The following DSCAML1 variants were observed in gnomAD, a reference collection of about 807,000 sequenced individuals.
The protein encoded by DSCAML1 is DS cell adhesion molecule like 1.
In DSCAML1, 38 loss-of-function variants were observed where a neutral mutation model predicts 200.5. That is an observed-to-expected ratio of 0.19 (90% confidence interval 0.15 to 0.25). The LOEUF (loss-of-function observed/expected upper bound fraction) is 0.25. Ranked by LOEUF, DSCAML1 falls within the 10% of genes least tolerant of loss-of-function variation. The pLI is 1.00. For missense variants in DSCAML1, 2,223 were observed against 2,858.8 expected, an observed-to-expected ratio of 0.78 and a Z score of 5.07; for synonymous variants, 1,215 against 1,165.0, an observed-to-expected ratio of 1.04 and a Z score of -0.87.
At chr11:117,777,299 A>G (rs930185629) in intron 2 of DSCAML1, among the ~76,000 whole-genome samples, 2 of 152,220 alleles carry the variant, frequency 1.3e-5, no homozygotes, top group South Asian at 4.1e-4. Flanking sequence ...GCAATGTTAT[A>G]TTCACCAAGG....
chr11:117,563,491 T>A (rs1011414512), intron 3 of DSCAML1, among the ~76,000 whole-genome samples: 2 of 152,162 alleles, frequency 1.3e-5, no homozygotes, highest in Non-Finnish European at 2.9e-5. Flanking sequence ...GTGAAGGTTC[T>A]ACTTCCACGC....
intron 3 of DSCAML1, among the ~76,000 whole-genome samples, chr11:117,541,855 C>T (rs1283156471): frequency 6.8e-6 from 1 of 146,162 alleles, no homozygotes; most frequent in African/African-American, 2.6e-5. Context: ...TTCTGTGTCC[C>T]TCTCCGACTA....
intron 1 of DSCAML1, among the ~76,000 whole-genome samples, chr11:117,809,274 G>A (rs749490257): frequency 5.3e-5 from 8 of 152,246 alleles, no homozygotes; most frequent in Admixed American, 2.0e-4. Flanking sequence ...CAGCTGCCGC[G>A]TCTGCACTCC....
chr11:117,535,418 T>C (rs1376014472), intron 3 of DSCAML1, among the ~76,000 whole-genome samples: 2 of 152,124 alleles, frequency 1.3e-5, no homozygotes, highest in Non-Finnish European at 1.5e-5. Flanking sequence ...CTAGAGTTTG[T>C]GGACACCCCG....
At chr11:117,446,078 C>T (rs894541963) in intron 20 of DSCAML1, among the ~76,000 whole-genome samples, 2 of 152,150 alleles carry the variant, frequency 1.3e-5, no homozygotes, top group African/African-American at 4.8e-5. Flanking sequence ...AAAACAGAAT[C>T]AAAGGCTGGG....
At chr11:117,732,398 A>G (rs2054238088) in intron 3 of DSCAML1, among the ~76,000 whole-genome samples, 1 of 152,130 alleles carries the variant, frequency 6.6e-6, no homozygotes, top group South Asian at 2.1e-4. Flanking sequence ...TATTTCACAC[A>G]CCGAGTCTTC....
intron 3 of DSCAML1, among the ~76,000 whole-genome samples, chr11:117,620,572 G>A (rs565363262): frequency 6.6e-6 from 1 of 152,154 alleles, no homozygotes; most frequent in African/African-American, 2.4e-5. Flanking sequence ...TTGGACTGGG[G>A]CCCCCTACTT....
chr11:117,694,048 G>A (rs1419798921), intron 3 of DSCAML1, among the ~76,000 whole-genome samples: 3 of 127,492 alleles, frequency 2.4e-5, no homozygotes, highest in African/African-American at 5.6e-5. Flanking sequence ...TCATTTTTAG[G>A]TTCTATCTTT....
At chr11:117,748,813 C>T (rs1417505387) in intron 3 of DSCAML1, among the ~76,000 whole-genome samples, 1 of 152,160 alleles carries the variant, frequency 6.6e-6, no homozygotes, top group Non-Finnish European at 1.5e-5. Flanking sequence ...CCCTCCTCTG[C>T]CCACGTCCAA....
At chr11:117,778,140 G>A (rs1046688935) in intron 2 of DSCAML1, among the ~76,000 whole-genome samples, 6 of 152,162 alleles carry the variant, frequency 3.9e-5, no homozygotes, top group East Asian at 1.9e-4. Context: ...GCCCTCCCTC[G>A]GCCTTTATTC....
chr11:117,690,385 G>C (rs896319574), intron 3 of DSCAML1, among the ~76,000 whole-genome samples: 2 of 152,218 alleles, frequency 1.3e-5, no homozygotes, highest in African/African-American at 4.8e-5. Flanking sequence ...GGCTGGCTTG[G>C]TAAGTGACCA....
intron 11 of DSCAML1, among the ~76,000 whole-genome samples, chr11:117,499,255 C>T (rs991383899): frequency 9.2e-5 from 14 of 152,076 alleles, no homozygotes; most frequent in African/African-American, 2.9e-4. Flanking sequence ...GCTCTGTGGA[C>T]GTGGTATTTT....
chr11:117,491,790 A>G (rs941544713), intron 11 of DSCAML1, among the ~76,000 whole-genome samples: 2 of 152,134 alleles, frequency 1.3e-5, no homozygotes, highest in Non-Finnish European at 2.9e-5. Context: ...AACAAAAAAC[A>G]AAAAACCCCA....
At chr11:117,676,330 GA>G (rs1476526457) in intron 3 of DSCAML1, among the ~76,000 whole-genome samples, 2 of 152,304 alleles carry the variant, frequency 1.3e-5, no homozygotes, top group East Asian at 3.9e-4. Context: ...AAGGGGTAAG[GA>G]AAGCGTTTGG....
At chr11:117,815,844 C>T (rs1403204518) in intron 1 of DSCAML1, among the ~76,000 whole-genome samples, 1 of 151,016 alleles carries the variant, frequency 6.6e-6, no homozygotes, top group Admixed American at 6.6e-5. Context: ...CCCGCCCTGC[C>T]AGGGGACCCT....
intron 3 of DSCAML1, among the ~76,000 whole-genome samples, chr11:117,663,674 A>G (rs974249365): frequency 6.6e-6 from 1 of 152,008 alleles, no homozygotes; most frequent in African/African-American, 2.4e-5. Flanking sequence ...ACAGGGATTG[A>G]TTTGTTTAGT....
At chr11:117,812,922 G>A (rs1237341929) in intron 1 of DSCAML1, among the ~76,000 whole-genome samples, 2 of 151,920 alleles carry the variant, frequency 1.3e-5, no homozygotes, top group African/African-American at 4.8e-5. Context: ...TGCAGCGGCT[G>A]CCACTGCTTT....
chr11:117,477,098 C>T (rs1019060749), intron 14 of DSCAML1, among the ~76,000 whole-genome samples: 17 of 151,964 alleles, frequency 1.1e-4, no homozygotes, highest in African/African-American at 3.1e-4. Context: ...GTTAAGTACT[C>T]GCTAAAGATC....
chr11:117,472,377 G>A (rs1392845975), intron 14 of DSCAML1, among the ~76,000 whole-genome samples: 1 of 152,058 alleles, frequency 6.6e-6, no homozygotes, highest in African/African-American at 2.4e-5. Context: ...CTTCTTCCTG[G>A]GTCTCCCCTC....
Sources: gnomAD v4.1 joint callset for allele counts (sites outside exome capture counted in the v4.1 genomes callset) on GRCh38, gnomAD v4.1.1 for gene constraint, MANE v1.5 for transcripts, NCBI Gene and HGNC (gene_info 2026-07-23, HGNC 2026-07-21) for gene names.